Variants in LRP11 observed in about 807,000 individuals in gnomAD.
The protein encoded by LRP11 is LDL receptor related protein 11, also known as low-density lipoprotein receptor-related protein 11.
Under a neutral mutation model 43.1 loss-of-function variants are expected in LRP11, and 25 were observed. That is an observed-to-expected ratio of 0.58 (90% CI 0.42 to 0.81). The LOEUF is 0.81. LRP11 is among the 30% of genes least tolerant of loss of function. LRP11 has a pLI of 0.00. For missense variants in LRP11, 623 were observed against 665.1 expected (o/e 0.94, Z 0.70); for synonymous variants, 316 against 299.4 (o/e 1.06, Z -0.57).
intron 6 of LRP11, among the ~76,000 whole-genome samples, chr6:149,821,047 C>T (rs1776272279): frequency 6.6e-6 from 1 of 151,486 alleles, no homozygotes; most frequent in Admixed American, 6.6e-5. Context: ...TCCCCTGCCT[C>T]AGCCTCCCGA....
chr6:149,847,351 G>A (rs1468183480), intron 2 of LRP11, among the ~76,000 whole-genome samples: 5 of 152,162 alleles, frequency 3.3e-5, no homozygotes, highest in Non-Finnish European at 4.4e-5. Flanking sequence ...TCAGCCTCCT[G>A]AGCACACTCC....
chr6:149,847,824 TACACACACAC>T (rs57292379), intron 2 of LRP11, among the ~76,000 whole-genome samples: 24,206 of 130,906 alleles, frequency 0.18, 2,287 homozygotes, highest in East Asian at 0.4. Flanking sequence ...TAAACTAAAT[TACACACACAC>T]ACACACACAC....
At chr6:149,845,055 G>A (rs776003581) in intron 2 of LRP11, among the ~76,000 whole-genome samples, 10 of 152,252 alleles carry the variant, frequency 6.6e-5, no homozygotes, top group East Asian at 1.9e-4. Flanking sequence ...CACAGAACCC[G>A]GTGTCCAATA....
intron 1 of LRP11, among the ~76,000 whole-genome samples, chr6:149,853,994 T>G (rs17078923): frequency 0.11 from 16,323 of 152,234 alleles, 2,471 homozygotes; most frequent in African/African-American, 0.34. Flanking sequence ...AGCCTGCATG[T>G]AAATTCTCTG....
At chr6:149,862,466 T>C (rs2115429452) in intron 1 of LRP11, among the ~76,000 whole-genome samples, 1 of 152,314 alleles carries the variant, frequency 6.6e-6, no homozygotes, top group South Asian at 2.1e-4. Context: ...TTGTGCCTCC[T>C]GTATGTGTCC....
At chr6:149,861,721 A>T (rs1776901550) in intron 1 of LRP11, among the ~76,000 whole-genome samples, 1 of 152,114 alleles carries the variant, frequency 6.6e-6, no homozygotes, top group Non-Finnish European at 1.5e-5. Flanking sequence ...GGGTTTTGTC[A>T]TGTTGGCCAG....
At chr6:149,842,894 C>G in intron 3 of LRP11, 89 bp downstream of exon 3, 1 of 1,456,082 alleles carries the variant, frequency 6.9e-7, no homozygotes, top group East Asian at 2.3e-5. Flanking sequence ...AATGGAAGAG[C>G]CCATGGAGCG....
chr6:149,855,960 A>G (rs1312036442), intron 1 of LRP11, among the ~76,000 whole-genome samples: 1 of 152,160 alleles, frequency 6.6e-6, no homozygotes, highest in Admixed American at 6.5e-5. Flanking sequence ...GAGATAGGAC[A>G]CTTGCATTAT....
At chr6:149,845,989 G>T (rs1776626430) in intron 2 of LRP11, among the ~76,000 whole-genome samples, 1 of 152,158 alleles carries the variant, frequency 6.6e-6, no homozygotes, top group South Asian at 2.1e-4. Context: ...ACCTTGCTCT[G>T]ACCCCAGCCT....
chr6:149,822,234 G>A (rs889670845), intron 6 of LRP11, among the ~76,000 whole-genome samples: 6 of 152,076 alleles, frequency 3.9e-5, no homozygotes, highest in East Asian at 1.9e-4. Context: ...CAGCTACTCG[G>A]GAGGCTGAAG....
intron 1 of LRP11, 88 bp downstream of exon 1, chr6:149,863,320 G>T: frequency 7.8e-7 from 1 of 1,285,560 alleles, no homozygotes; most frequent in East Asian, 2.9e-5. Context: ...AAATAACTTG[G>T]CACGAGTGTG....
chr6:149,856,319 G>A (rs1018448872), intron 1 of LRP11, among the ~76,000 whole-genome samples: 3 of 152,176 alleles, frequency 2.0e-5, no homozygotes, highest in African/African-American at 7.2e-5. Context: ...TTATTTAGGT[G>A]AGCTTTAAGA....
intron 1 of LRP11, among the ~76,000 whole-genome samples, chr6:149,862,039 G>A (rs113511505): frequency 2.3e-4 from 35 of 152,316 alleles, no homozygotes; most frequent in African/African-American, 7.5e-4. Context: ...TGCAACAGCC[G>A]TGGTGGGCCT....
intron 6 of LRP11, 107 bp downstream of exon 6, chr6:149,826,157 C>T: frequency 1.2e-6 from 1 of 853,290 alleles, no homozygotes; most frequent in Non-Finnish European, 2.1e-6. Flanking sequence ...CACTGACGGA[C>T]TCCTCCTGTC....
chr6:149,845,129 C>T (rs1217510866), intron 2 of LRP11, among the ~76,000 whole-genome samples: 2 of 152,208 alleles, frequency 1.3e-5, no homozygotes, highest in South Asian at 2.1e-4. Flanking sequence ...AGTCACTTAA[C>T]GTCTCCAAAC....
At chr6:149,826,038 C>T in intron 6 of LRP11, 1 of 518,412 alleles carries the variant, frequency 1.9e-6, no homozygotes, top group Admixed American at 3.1e-5. Flanking sequence ...AGGTGTCACA[C>T]CTGGAAGGGT....
rs1562436645 is a variant in LRP11, at chr6:149,827,886, A to G, written c.1253-1527T>C. On this transcript the variant is annotated intron_variant, in intron 5 of 6. Transcript: ENST00000239367. The surrounding 1 kb of genome is among the most constrained non-coding windows in gnomAD (Gnocchi z 4.2). ...AAAATACAAAAAAAATTAGCCAGGC[A>G]TGGTGGGCGCCTGTAGTCCCAGCTG... Among the ~76,000 whole-genome samples, 1 of 151,886 alleles carries G rather than the reference A, an allele frequency of 6.6e-6. No homozygotes were observed. Among genetic ancestry groups the G allele is most frequent in the Non-Finnish European group, 1.5e-5 (1 of 67,960 alleles).
At chr6:149,853,585 G>A (rs1776755385) in intron 1 of LRP11, among the ~76,000 whole-genome samples, 1 of 152,202 alleles carries the variant, frequency 6.6e-6, no homozygotes, top group South Asian at 2.1e-4. Context: ...TCGGCTCACT[G>A]CAGCCTCTCC....
In LRP11 at chr6:149,843,015, A is replaced by AGAGCTTCT; in HGVS notation, c.880_881insAGAAGCTC (p.Val294GlufsTer4). The AGAGCTTCT allele has an allele frequency of 1.9e-6, 3 of 1,614,208 alleles. No homozygotes were observed. Among genetic ancestry groups the AGAGCTTCT allele is most frequent in the Non-Finnish European group, 2.5e-6 (3 of 1,180,032 alleles). ...GGAGTAGGCTGCGCGAAGCACTGTC[A>AGAGCTTCT]CTGACACGTTGTCAGAGCTTCTCTG... On this transcript the variant is annotated frameshift_variant, in exon 3 of 7. Transcript: ENST00000239367.
Sources: allele counts gnomAD v4.1 joint callset (sites outside exome capture counted in the v4.1 genomes callset), GRCh38; gene constraint gnomAD v4.1.1; non-coding constraint Gnocchi (gnomAD v3.1); transcripts MANE v1.5; gene names NCBI Gene and HGNC (gene_info 2026-07-23, HGNC 2026-07-21).